FMN2: variants seen among roughly 807,000 people sequenced by gnomAD.
FMN2 encodes formin-2.
Under a neutral mutation model 142.3 loss-of-function variants are expected in FMN2, and 51 were observed. The ratio of observed to expected loss-of-function variants is 0.36; its 90% confidence interval spans 0.29 to 0.45. FMN2 has a LOEUF of 0.45. Among genes scored for constraint, FMN2 ranks in the 20% least tolerant of loss-of-function variants. The probability of loss-of-function intolerance (pLI) is 1.00; values close to 1 mark genes in which losing one functional copy is unlikely to be tolerated. For missense variants in FMN2, 1,936 were observed against 2,122.8 expected, an observed-to-expected ratio of 0.91 and a Z score of 1.73; for synonymous variants, 882 against 869.8, an observed-to-expected ratio of 1.01 and a Z score of -0.25.
rs556745712 is a variant in FMN2, at chr1:240,369,542, T to C, written c.4858+13634T>C. Among the ~76,000 whole-genome samples the C allele has an allele frequency of 3.3e-5, 5 of 152,322 alleles. No individual in the cohort carries two copies. In the East Asian group the frequency reaches 9.7e-4, roughly 29 times the overall value. ...GTACACCCTTGAAAAGTTGCTTTGGTGTGAACTCCGGATTGTAAATTCTGT... is the reference window on the plus strand; with the variant it reads ...GTACACCCTTGAAAAGTTGCTTTGGCGTGAACTCCGGATTGTAAATTCTGT... On this transcript the variant is annotated intron_variant, in intron 14 of 17. Coordinates refer to ENST00000319653, the MANE Select transcript of FMN2 (RefSeq NM_020066.5).
At chr1:240,393,457 A>G (rs771097004) in intron 15 of FMN2, among the ~76,000 whole-genome samples, 5 of 152,184 alleles carry the variant, frequency 3.3e-5, no homozygotes, top group Non-Finnish European at 7.3e-5. Flanking sequence ...TCCACCAACC[A>G]TCTGTTCCCT....
chr1:240,352,164 T>C (rs148414880), intron 13 of FMN2, among the ~76,000 whole-genome samples: 1 of 152,194 alleles, frequency 6.6e-6, no homozygotes. Context: ...AAGTCACTAC[T>C]TGAAGACTGT....
intron 2 of FMN2, among the ~76,000 whole-genome samples, chr1:240,149,858 T>C (rs1374153784): frequency 6.6e-6 from 1 of 152,184 alleles, no homozygotes; most frequent in Non-Finnish European, 1.5e-5. Flanking sequence ...TTTTTGAAAT[T>C]AGAGAGTAGC....
intron 13 of FMN2, among the ~76,000 whole-genome samples, chr1:240,348,122 A>G (rs1671969463): frequency 6.6e-6 from 1 of 152,202 alleles, no homozygotes; most frequent in Admixed American, 6.5e-5. Context: ...AGAAGTCTTC[A>G]AGCTACTCTC....
intron 14 of FMN2, among the ~76,000 whole-genome samples, chr1:240,390,505 A>G (rs1673569941): frequency 6.6e-6 from 1 of 152,248 alleles, no homozygotes; most frequent in East Asian, 1.9e-4. Context: ...AACACAATTT[A>G]GGAGCTTATG....
chr1:240,383,321 C>T (rs1016238819), intron 14 of FMN2, among the ~76,000 whole-genome samples: 1 of 152,078 alleles, frequency 6.6e-6, no homozygotes, highest in African/African-American at 2.4e-5. Flanking sequence ...ACAGAGTAAA[C>T]AGACAACCTA....
intron 4 of FMN2, among the ~76,000 whole-genome samples, chr1:240,203,270 G>A (rs7553501): frequency 0.62 from 93,695 of 151,412 alleles, 29,529 homozygotes; most frequent in Middle Eastern, 0.71. Flanking sequence ...CTAGACCTAG[G>A]AACAGAAATA....
intron 1 of FMN2, among the ~76,000 whole-genome samples, chr1:240,099,051 TGAAGGTA>T (rs1661318701): frequency 6.6e-6 from 1 of 152,168 alleles, no homozygotes; most frequent in South Asian, 2.1e-4. Flanking sequence ...CTCATATCTA[TGAAGGTA>T]GAAGAATAAT....
intron 6 of FMN2, among the ~76,000 whole-genome samples, chr1:240,246,863 A>T (rs936463839): frequency 1.3e-5 from 2 of 152,186 alleles, no homozygotes; most frequent in Non-Finnish European, 2.9e-5. Flanking sequence ...AATTTTATAG[A>T]TTTCAAATGT....
chr1:240,205,191 C>T (rs1284353130), intron 4 of FMN2, among the ~76,000 whole-genome samples: 1 of 152,056 alleles, frequency 6.6e-6, no homozygotes. Context: ...TGTAGTGTTG[C>T]AGGAAACCCT....
intron 4 of FMN2, among the ~76,000 whole-genome samples, chr1:240,202,329 A>G (rs10754694): frequency 0.34 from 51,156 of 151,892 alleles, 8,919 homozygotes; most frequent in Middle Eastern, 0.45. Flanking sequence ...GTTAAAAAAA[A>G]TCCCAGGAAT....
intron 2 of FMN2, among the ~76,000 whole-genome samples, chr1:240,167,700 G>C (rs1664534071): frequency 6.6e-6 from 1 of 152,122 alleles, no homozygotes; most frequent in South Asian, 2.1e-4. Context: ...TAAGTGTGAA[G>C]ATCATGCAAT....
intron 7 of FMN2, chr1:240,285,379 C>A: frequency 2.3e-6 from 1 of 434,778 alleles, no homozygotes; most frequent in South Asian, 1.6e-5. Context: ...CTGTTAGACA[C>A]CCAAGTGGTG....
rs11444913 is a variant in FMN2, at chr1:240,277,437, C to CTTTT, written c.4154-17375_4154-17372dup. On this transcript the variant is annotated intron_variant, in intron 7 of 17. Transcript: ENST00000319653. Reference sequence around the variant, plus strand: ...GTTATATTGAACCTTTCTGCCTTTTCTTTTTTTTTTTTTCAAATAAATGGA... The same window carrying CTTTT: ...GTTATATTGAACCTTTCTGCCTTTTCTTTTTTTTTTTTTTTTTCAAATAAATGGA... Among the ~76,000 whole-genome samples, 18 of 109,424 alleles carry CTTTT rather than the reference C, an allele frequency of 1.6e-4. 1 individual carries two copies. Among genetic ancestry groups the CTTTT allele is most frequent in the African/African-American group, 3.5e-4 (12 of 34,160 alleles). 71.8% of individuals were successfully genotyped at this position (109,424 alleles called of 152,430 possible).
intron 14 of FMN2, among the ~76,000 whole-genome samples, chr1:240,366,300 T>C (rs1254429414): frequency 1.3e-5 from 2 of 152,176 alleles, no homozygotes; most frequent in Non-Finnish European, 2.9e-5. Context: ...CTATTTATCA[T>C]TCCGATGTTT....
At chr1:240,142,044 C>A (rs1663206948) in intron 2 of FMN2, among the ~76,000 whole-genome samples, 1 of 152,164 alleles carries the variant, frequency 6.6e-6, no homozygotes, top group Admixed American at 6.5e-5. Flanking sequence ...GAGAGGAGGA[C>A]AGTTTTGATC....
chr1:240,239,095 C>T (rs6429194), intron 6 of FMN2, among the ~76,000 whole-genome samples: 47,925 of 151,966 alleles, frequency 0.32, 8,682 homozygotes, highest in African/African-American at 0.5. Context: ...ACTTGAGTTT[C>T]GTTCACTTTA....
At chr1:240,461,052 G>A (rs897208593) in intron 16 of FMN2, among the ~76,000 whole-genome samples, 3 of 152,138 alleles carry the variant, frequency 2.0e-5, no homozygotes, top group South Asian at 2.1e-4. Context: ...AGTTCCAACC[G>A]CAAGCTCTCC....
In FMN2 at chr1:240,198,365, A is replaced by G. The variant is rs146601132; in HGVS notation, c.1987-8434A>G. 5.7e-3 allele frequency among the ~76,000 whole-genome samples: 867 copies of G among 152,298 alleles called. 13 individuals are homozygous for G. Among genetic ancestry groups the G allele is most frequent in the African/African-American group, 0.02 (827 of 41,552 alleles). On this transcript the variant is annotated intron_variant, in intron 4 of 17. Coordinates refer to ENST00000319653, the MANE Select transcript of FMN2 (RefSeq NM_020066.5). Reference sequence around the variant, plus strand: ...TTCCCATCGTATCAGCTCCCATTCTAAAGAGATGTTAAAAGTAATACAGCC... The same window carrying G: ...TTCCCATCGTATCAGCTCCCATTCTGAAGAGATGTTAAAAGTAATACAGCC...
Sources: gnomAD v4.1 joint callset for allele counts (sites outside exome capture counted in the v4.1 genomes callset) on GRCh38, gnomAD v4.1.1 for gene constraint, MANE v1.5 for transcripts, NCBI Gene and HGNC (gene_info 2026-07-23, HGNC 2026-07-21) for gene names.